Variants in BTRC observed in about 807,000 individuals in gnomAD.
BTRC encodes beta-transducin repeat containing E3 ubiquitin protein ligase.
Under a neutral mutation model 85.5 loss-of-function variants are expected in BTRC, and 42 were observed. The observed-to-expected ratio is 0.49, with a 90% CI of 0.38 to 0.64. The LOEUF is 0.64. BTRC is among the 30% of genes least tolerant of loss of function. The pLI, the probability that BTRC is intolerant of heterozygous loss-of-function variation, is 0.00. For missense variants in BTRC, 594 were observed against 743.5 expected (o/e 0.80, Z 2.34); for synonymous variants, 255 against 263.3 (o/e 0.97, Z 0.30).
intron 1 of BTRC, among the ~76,000 whole-genome samples, chr10:101,385,618 C>CTTTTTTTTTTTTTTTTTTTTT (rs36030307): frequency 5.3e-4 from 42 of 79,792 alleles, no homozygotes; most frequent in East Asian, 9.6e-4. Context: ...TCTTCTTCTT[C>CTTTTTTTTTTTTTTTTTTTTT]TTTTTTTTTT....
chr10:101,366,936 A>G (rs1339530740), intron 1 of BTRC, among the ~76,000 whole-genome samples: 1 of 24,282 alleles, frequency 4.1e-5, no homozygotes, highest in Non-Finnish European at 6.9e-5. Context: ...ATTTATATAT[A>G]TTTATATATA....
At chr10:101,486,944 T>C (rs1946004715) in intron 4 of BTRC, among the ~76,000 whole-genome samples, 1 of 152,226 alleles carries the variant, frequency 6.6e-6, no homozygotes, top group Admixed American at 6.5e-5. Context: ...TCTTTTCTCA[T>C]TCTGAAACAT....
intron 4 of BTRC, 150 bp from the exon 5 acceptor site, chr10:101,521,489 T>C: frequency 1.6e-6 from 1 of 619,238 alleles, no homozygotes; most frequent in Non-Finnish European, 2.8e-6. Flanking sequence ...TTCTATGGTA[T>C]TTCTGTGGTT....
At chr10:101,501,620 A>T (rs1021200430) in intron 4 of BTRC, among the ~76,000 whole-genome samples, 4 of 152,188 alleles carry the variant, frequency 2.6e-5, no homozygotes, top group Non-Finnish European at 5.9e-5. Context: ...TACATAGAAA[A>T]ATTCCATGGG....
At chr10:101,521,377 C>CT (rs994117381) in intron 4 of BTRC, among the ~76,000 whole-genome samples, 35 of 152,150 alleles carry the variant, frequency 2.3e-4, no homozygotes, top group Admixed American at 7.9e-4. Flanking sequence ...ATGCTTTCAG[C>CT]TTTTGGTTTT....
intron 2 of BTRC, among the ~76,000 whole-genome samples, chr10:101,461,753 A>T (rs552172983): frequency 2.6e-5 from 4 of 152,344 alleles, no homozygotes; most frequent in African/African-American, 9.6e-5. Context: ...ATGCTTAAAG[A>T]TACATGAAAT....
intron 5 of BTRC, among the ~76,000 whole-genome samples, chr10:101,523,102 A>G (rs9419924): frequency 1 from 152,105 of 152,266 alleles, 75,972 homozygotes; most frequent in Middle Eastern, 1. Flanking sequence ...TACTTGGGAG[A>G]CTGGGGCAGG....
At chr10:101,358,613 A>G (rs1407876726) in intron 1 of BTRC, among the ~76,000 whole-genome samples, 1 of 152,126 alleles carries the variant, frequency 6.6e-6, no homozygotes, top group Admixed American at 6.6e-5. Flanking sequence ...TTTCCCCTCA[A>G]ATCTGATGGT....
At chr10:101,506,878 T>C (rs558053355) in intron 4 of BTRC, among the ~76,000 whole-genome samples, 1 of 152,234 alleles carries the variant, frequency 6.6e-6, no homozygotes, top group Non-Finnish European at 1.5e-5. Context: ...CTAGGAATTC[T>C]GCAGTTAATT....
chr10:101,476,527 A>C, intron 3 of BTRC, among the ~76,000 whole-genome samples: 1 of 151,864 alleles, frequency 6.6e-6, no homozygotes. Context: ...GCTGGAGTGC[A>C]ATGGCATAAT....
rs755481178 is a variant in BTRC, at chr10:101,549,713, C to CAAAAAAAAAAAAAAAAAAAAAAAAAAAAA, written c.1657-963_1657-962insAAAAAAAAAAAAAAAAAAAAAAAAAAAAA. Among the ~76,000 whole-genome samples the CAAAAAAAAAAAAAAAAAAAAAAAAAAAAA allele has an allele frequency of 1.4e-4, 6 of 42,764 alleles. 2 individuals are homozygous for CAAAAAAAAAAAAAAAAAAAAAAAAAAAAA. Among genetic ancestry groups the CAAAAAAAAAAAAAAAAAAAAAAAAAAAAA allele is most frequent in the East Asian group, 1.3e-3 (1 of 792 alleles). The allele number at this position is 42,764 out of a possible 152,430, so 28.1% of individuals were successfully genotyped here. A position where few individuals can be genotyped will look rare whatever the true frequency, so the allele number is the denominator to read the frequency against. ...GGGGCGAAAGAGCGAGACTCTGTCT[C>CAAAAAAAAAAAAAAAAAAAAAAAAAAAAA]AAAAAAAAAAAAAAAAAAAAAAAGA... On this transcript the variant is annotated intron_variant, in intron 13 of 14. Coordinates refer to ENST00000370187, the MANE Select transcript of BTRC (RefSeq NM_033637.4).
At chr10:101,519,538 A>G (rs2062072170) in intron 4 of BTRC, among the ~76,000 whole-genome samples, 3 of 152,178 alleles carry the variant, frequency 2.0e-5, no homozygotes, top group South Asian at 4.1e-4. Context: ...TAACCCGTTG[A>G]AGCAAACTCT....
intron 4 of BTRC, among the ~76,000 whole-genome samples, chr10:101,502,110 A>G (rs1181182736): frequency 1.3e-5 from 2 of 152,216 alleles, no homozygotes; most frequent in South Asian, 2.1e-4. Context: ...GAGAGAAAGG[A>G]AAGTGGATGC....
intron 10 of BTRC, 128 bp downstream of exon 10, chr10:101,535,038 T>A: frequency 9.1e-7 from 1 of 1,094,072 alleles, no homozygotes; most frequent in Non-Finnish European, 1.3e-6. Flanking sequence ...GAGACTAGTC[T>A]ACAAGTGAAA....
chr10:101,395,896 A>G (rs750589885), intron 1 of BTRC, among the ~76,000 whole-genome samples: 23 of 152,094 alleles, frequency 1.5e-4, no homozygotes, highest in Non-Finnish European at 3.1e-4. Context: ...AATAGTAGTA[A>G]TATTTCCATG....
At chr10:101,438,254 G>A (rs1413091003) in intron 2 of BTRC, among the ~76,000 whole-genome samples, 3 of 151,496 alleles carry the variant, frequency 2.0e-5, no homozygotes, top group Admixed American at 6.6e-5. Context: ...GTGAAACCCC[G>A]TCTTTACTAA....
At chr10:101,536,675 A>T in intron 12 of BTRC, 22 bp downstream of exon 12, 1 of 1,534,886 alleles carries the variant, frequency 6.5e-7, no homozygotes, top group Non-Finnish European at 9.0e-7. Flanking sequence ...AACAGAGTGT[A>T]AAAAAGAGAA....
At chr10:101,540,682 G>A (rs2062452999) in intron 13 of BTRC, among the ~76,000 whole-genome samples, 1 of 152,104 alleles carries the variant, frequency 6.6e-6, no homozygotes. Context: ...AAATAAATAG[G>A]TATGGGGTCT....
At chr10:101,425,604 T>A (rs538479486) in intron 1 of BTRC, among the ~76,000 whole-genome samples, 1 of 151,880 alleles carries the variant, frequency 6.6e-6, no homozygotes, top group East Asian at 1.9e-4. Flanking sequence ...GAATGCGTAG[T>A]TGCTGCTTAG....
Sources: gnomAD v4.1 joint callset for allele counts (sites outside exome capture counted in the v4.1 genomes callset) on GRCh38, gnomAD v4.1.1 for gene constraint, MANE v1.5 for transcripts, NCBI Gene and HGNC (gene_info 2026-07-23, HGNC 2026-07-21) for gene names.